WDR33: variants seen among roughly 807,000 people sequenced by gnomAD.
The protein encoded by WDR33 is WD repeat domain 33, also known as pre-mRNA 3' end processing protein WDR33.
In WDR33, 47 loss-of-function variants were observed where a neutral mutation model predicts 164.9. The observed-to-expected ratio is 0.29, with a 90% CI of 0.23 to 0.36. WDR33 has a LOEUF of 0.36. Among genes scored for constraint, WDR33 ranks in the 10% least tolerant of loss-of-function variants. The pLI is 1.00. For missense variants in WDR33, 1,137 were observed against 1,754.1 expected (o/e 0.65, Z 6.28); for synonymous variants, 505 against 589.0 (o/e 0.86, Z 2.06).
chr2:127,707,229 T>TAAAAAAAAAAAAAAAA (rs200273049), intron 21 of WDR33, among the ~76,000 whole-genome samples: 1 of 122,600 alleles, frequency 8.2e-6, no homozygotes, highest in Non-Finnish European at 1.7e-5. Flanking sequence ...AGAATATATT[T>TAAAAAAAAAAAAAAAA]AAAAAAAAAA....
At position 127,714,583 on chromosome 2, in the gene WDR33, C is replaced by A. The variant is rs1052202965; in HGVS notation, c.2870-562G>T. On this transcript the variant is annotated intron_variant, in intron 17 of 21. Coordinates refer to ENST00000322313, the MANE Select transcript of WDR33 (RefSeq NM_018383.5). The surrounding 1 kb of genome is among the most constrained non-coding windows in gnomAD (Gnocchi z 4.3). ...AATACCTGCCTGATGACCAAACAGC[C>A]CTGCTGGGCTTCAGTGTCGGGGTTT... is the stretch of plus-strand genomic sequence containing the variant. Among the ~76,000 whole-genome samples, 5 of 152,206 alleles carry A rather than the reference C, an allele frequency of 3.3e-5. No individual in the cohort carries two copies. The highest frequency in any genetic ancestry group is 5.9e-5 in the Non-Finnish European group (4 of 68,028).
chr2:127,802,917 G>A (rs76897817), intron 1 of WDR33, among the ~76,000 whole-genome samples: 4,088 of 152,086 alleles, frequency 0.027, 203 homozygotes, highest in African/African-American at 0.093. Flanking sequence ...CGAGGTTGAG[G>A]CTACAGGGAG....
At chr2:127,757,077 CAAAA>C (rs11381814) in intron 7 of WDR33, among the ~76,000 whole-genome samples, 4 of 85,058 alleles carry the variant, frequency 4.7e-5, no homozygotes, top group Admixed American at 1.4e-4. Context: ...AACCTGTCTC[CAAAA>C]AAAAAAAAAA....
Position 127,726,159 on chromosome 2 carries a change from G to A in WDR33, c.851+492C>T, listed in dbSNP as rs1686568123. On this transcript the variant is annotated intron_variant, in intron 8 of 21. Coordinates refer to ENST00000322313, the MANE Select transcript of WDR33 (RefSeq NM_018383.5). The surrounding 1 kb of genome is among the most constrained non-coding windows in gnomAD (Gnocchi z 4.8). ...AAAATGTTAACATATGCATGTAGCT[G>A]TGAATGTTCACAAATAACTGAAAGA... Among the ~76,000 whole-genome samples the A allele has an allele frequency of 6.6e-6, 1 of 152,194 alleles. No homozygotes were observed. The highest frequency in any genetic ancestry group is 2.4e-5 in the African/African-American group (1 of 41,436).
chr2:127,708,807 G>T lies in WDR33; in HGVS notation c.3651C>A (p.Ser1217=), dbSNP rs1451982765. Residue 1217 remains serine, a synonymous_variant, in exon 21 of 22, where the codon TCC becomes TCA. Coordinates refer to ENST00000322313, the MANE Select transcript of WDR33 (RefSeq NM_018383.5). The surrounding 1 kb of genome is among the most constrained non-coding windows in gnomAD (Gnocchi z 6.7). ...DGHSPASRER[S]SSLQGMDMAS... ...CCATGTCCATGCCTTGGAGAGAAGAGGAGCGTTCTCTGCTGGCTGGGGAAT... is the reference window on the plus strand; with the variant it reads ...CCATGTCCATGCCTTGGAGAGAAGATGAGCGTTCTCTGCTGGCTGGGGAAT... 1 of 1,613,554 alleles carries T rather than the reference G, an allele frequency of 6.2e-7. No homozygotes were observed. Among genetic ancestry groups the T allele is most frequent in the Non-Finnish European group, 8.5e-7 (1 of 1,179,684 alleles).
At chr2:127,747,624 A>G (rs1687203120) in intron 7 of WDR33, among the ~76,000 whole-genome samples, 1 of 152,202 alleles carries the variant, frequency 6.6e-6, no homozygotes, top group African/African-American at 2.4e-5. Context: ...TACTATCTGA[A>G]GAGGCTGCTT....
intron 18 of WDR33, among the ~76,000 whole-genome samples, chr2:127,711,424 C>CAAAAA (rs1197934586): frequency 1.9e-5 from 1 of 53,766 alleles, no homozygotes; most frequent in African/African-American, 6.6e-5. Context: ...GATTCCCTCT[C>CAAAAA]AAAAAAAAAA....
At chr2:127,765,775 T>C (rs1220549360) in intron 4 of WDR33, among the ~76,000 whole-genome samples, 3 of 151,458 alleles carry the variant, frequency 2.0e-5, no homozygotes, top group Non-Finnish European at 4.4e-5. Flanking sequence ...TTCAAACTCT[T>C]CCTGCAGCTA....
intron 1 of WDR33, among the ~76,000 whole-genome samples, chr2:127,803,804 G>A (rs1168448151): frequency 1.3e-5 from 2 of 151,986 alleles, no homozygotes; most frequent in Non-Finnish European, 1.5e-5. Context: ...AAAAGCAAAG[G>A]AGCCCTCAAA....
chr2:127,702,058 T>G lies in WDR33; in HGVS notation c.*4265A>C, dbSNP rs1395887348. On this transcript the variant is annotated 3_prime_UTR_variant, in exon 22 of 22. Coordinates refer to ENST00000322313, the MANE Select transcript of WDR33 (RefSeq NM_018383.5). ...ACGGTGCTGGGCGCGGGCGCGCAGG[T>G]GGCCGCGCTGCTGGCCGCGCTGGTT... 2 of 1,209,920 alleles carry G rather than the reference T, an allele frequency of 1.7e-6. No individual in the cohort carries two copies. Among genetic ancestry groups the G allele is most frequent in the Non-Finnish European group, 1.0e-6 (1 of 972,732 alleles). 74.9% of individuals were successfully genotyped at this position (1,209,920 alleles called of 1,614,324 possible).
Position 127,719,476 on chromosome 2 carries a change from T to C in WDR33, c.2549A>G (p.Gln850Arg), listed in dbSNP as rs1476410739. 6.3e-7 allele frequency: 1 copy of C among 1,594,962 alleles called. No homozygotes were observed. Among genetic ancestry groups the C allele is most frequent in the Non-Finnish European group, 8.6e-7 (1 of 1,169,162 alleles). The change falls in exon 16 of 22, where the codon CAG (glutamine) becomes CGG (arginine). Residue 850 changes from glutamine to arginine, a missense_variant. Gln to Arg is a conservative substitution (Grantham distance 43). Coordinates refer to ENST00000322313, the MANE Select transcript of WDR33 (RefSeq NM_018383.5). The surrounding 1 kb of genome is among the most constrained non-coding windows in gnomAD (Gnocchi z 6.5). ...PPQGSMLGPP[Q>R]ELRGPPGSQS... is the part of the protein sequence containing the mutation. ...TGAGCCTGGAGGCCCTCGCAATTCC[T>C]GGGGAGGTCCCAGCATTGATCCTTG... is the stretch of plus-strand genomic sequence containing the variant.
chr2:127,716,770 A>G lies in WDR33; in HGVS notation c.2869+385T>C, dbSNP rs1440734686. Among the ~76,000 whole-genome samples, 1 of 152,236 alleles carries G rather than the reference A, an allele frequency of 6.6e-6. No homozygotes were observed. The highest frequency in any genetic ancestry group is 1.9e-4 in the East Asian group (1 of 5,202). On this transcript the variant is annotated intron_variant, in intron 17 of 21. Transcript: ENST00000322313. This position sits in a 1 kb window ranked among gnomAD's most constrained non-coding sequence, Gnocchi z 4.5. Reference sequence around the variant, plus strand: ...TCAATGTGTGACAGGGTTTGGGAAGACAAGGATGTGATGACAAAAACACTG... The same window carrying G: ...TCAATGTGTGACAGGGTTTGGGAAGGCAAGGATGTGATGACAAAAACACTG...
At chr2:127,736,612 G>A (rs1188799419) in intron 7 of WDR33, 1 of 985,382 alleles carries the variant, frequency 1.0e-6, no homozygotes, top group Non-Finnish European at 1.2e-6. Context: ...TATTTACATG[G>A]AAGACCAACA....
At chr2:127,742,860 T>TAAA (rs34957656) in intron 7 of WDR33, among the ~76,000 whole-genome samples, 3 of 126,994 alleles carry the variant, frequency 2.4e-5, no homozygotes, top group Non-Finnish European at 3.4e-5. Context: ...TACTCACAGT[T>TAAA]AAAAAAAAAA....
At chr2:127,729,116 A>T (rs563656888) in intron 7 of WDR33, among the ~76,000 whole-genome samples, 1 of 152,388 alleles carries the variant, frequency 6.6e-6, no homozygotes, top group South Asian at 2.1e-4. Context: ...TCTTGGATGT[A>T]ATTTTATTCA....
At position 127,713,902 on chromosome 2, in the gene WDR33, T is replaced by C. The variant is rs1178943451; in HGVS notation, c.2989A>G (p.Arg997Gly). 12 of 1,613,674 alleles carry C rather than the reference T, an allele frequency of 7.4e-6. No individual in the cohort carries two copies. The highest frequency in any genetic ancestry group is 1.0e-5 in the Non-Finnish European group (12 of 1,179,816). Residue 997 changes from arginine to glycine, a missense_variant, in exon 18 of 22, where the codon AGG becomes GGG. Transcript: ENST00000322313. This position sits in a 1 kb window ranked among gnomAD's most constrained non-coding sequence, Gnocchi z 6.2. ...GGGCCACGCCTATCAGGGGGACCCC[T>C]GCAGTCCTGGCCACCCCGGAAAGGC... ...RGPFRGGQDC[R>G]GPPDRRGPHP...
At chr2:127,767,917 C>G (rs936578413) in intron 4 of WDR33, among the ~76,000 whole-genome samples, 5 of 152,116 alleles carry the variant, frequency 3.3e-5, no homozygotes. Context: ...TCAAACGCAA[C>G]TCTGAGACCT....
chr2:127,715,084 G>GTTTC (rs1271695936), intron 17 of WDR33, among the ~76,000 whole-genome samples: 8 of 120,724 alleles, frequency 6.6e-5, no homozygotes, highest in African/African-American at 2.6e-4. Flanking sequence ...TTCTTTCTTT[G>GTTTC]TTTCTTTTTT....
chr2:127,753,655 A>G (rs913913286), intron 7 of WDR33, among the ~76,000 whole-genome samples: 4 of 152,212 alleles, frequency 2.6e-5, no homozygotes, highest in African/African-American at 9.6e-5. Context: ...CTTCCAAAGA[A>G]TTGGTTTTAG....
Sources: allele counts gnomAD v4.1 joint callset (sites outside exome capture counted in the v4.1 genomes callset), GRCh38; gene constraint gnomAD v4.1.1; non-coding constraint Gnocchi (gnomAD v3.1); transcripts MANE v1.5; gene names NCBI Gene and HGNC (gene_info 2026-07-23, HGNC 2026-07-21).